Variants in TASP1 observed in about 807,000 individuals in gnomAD.
TASP1 encodes the protein threonine aspartase 1.
A neutral mutation model predicts 56.6 loss-of-function variants in TASP1; 16 were observed. The observed-to-expected ratio is 0.28, with a 90% confidence interval of 0.19 to 0.43. TASP1 has a LOEUF of 0.43. Ranked by LOEUF, TASP1 falls within the 20% of genes least tolerant of loss-of-function variation. TASP1 has a pLI of 1.00. For synonymous variants in TASP1, 179 were observed against 184.2 expected (o/e 0.97, Z 0.23); for missense variants, 393 against 511.6 (o/e 0.77, Z 2.24).
intron 4 of TASP1, among the ~76,000 whole-genome samples, chr20:13,613,257 T>C (rs1256619368): frequency 6.6e-6 from 1 of 152,168 alleles, no homozygotes; most frequent in Non-Finnish European, 1.5e-5. Context: ...ACATTATTTA[T>C]TATCATGGGA....
the TASP1 span, among the ~76,000 whole-genome samples, chr20:13,243,902 G>A: frequency 6.6e-6 from 1 of 152,162 alleles, no homozygotes; most frequent in Non-Finnish European, 1.5e-5. Flanking sequence ...ATATTTGAAG[G>A]GAAGATGGAA....
At chr20:13,311,216 TGATAGATAGATA>T in the TASP1 span, among the ~76,000 whole-genome samples, 2 of 133,206 alleles carry the variant, frequency 1.5e-5, no homozygotes, top group South Asian at 4.9e-4. Flanking sequence ...TATAGATAGA[TGATAGATAGATA>T]GATAGATAGA....
downstream of TASP1, among the ~76,000 whole-genome samples, chr20:13,386,443 A>T (rs912244450): frequency 8.1e-5 from 12 of 147,294 alleles, no homozygotes; most frequent in East Asian, 1.9e-4. Context: ...CTATTTTCTA[A>T]TTTTTTTCCT....
intron 2 of TASP1, among the ~76,000 whole-genome samples, chr20:13,626,786 G>A (rs1287966938): frequency 6.6e-6 from 1 of 152,170 alleles, no homozygotes; most frequent in African/African-American, 2.4e-5. Context: ...TCTTTCAGCA[G>A]CATTTCCTAA....
chr20:13,433,393 C>T (rs2042880165), intron 12 of TASP1, among the ~76,000 whole-genome samples: 1 of 151,904 alleles, frequency 6.6e-6, no homozygotes, highest in Non-Finnish European at 1.5e-5. Flanking sequence ...AAGGATTCAA[C>T]AACGATTAAG....
the TASP1 span, among the ~76,000 whole-genome samples, chr20:13,187,471 C>T: frequency 3.3e-5 from 5 of 151,590 alleles, no homozygotes; most frequent in South Asian, 2.1e-4. Flanking sequence ...CAAAGAAGGC[C>T]GGGCGCAGTG....
intron 4 of TASP1, among the ~76,000 whole-genome samples, chr20:13,594,311 C>T (rs760069360): frequency 1.1e-4 from 17 of 152,274 alleles, no homozygotes; most frequent in East Asian, 1.9e-4. Context: ...AAAACCAGAG[C>T]GCCTCTTCTC....
intron 5 of TASP1, among the ~76,000 whole-genome samples, chr20:13,582,275 A>G (rs1243783523): frequency 6.6e-6 from 1 of 151,948 alleles, no homozygotes; most frequent in African/African-American, 2.4e-5. Context: ...TATAAATCCA[A>G]TTTATAACTT....
the TASP1 span, among the ~76,000 whole-genome samples, chr20:13,360,703 A>G: frequency 6.6e-6 from 1 of 152,140 alleles, no homozygotes; most frequent in Non-Finnish European, 1.5e-5. Context: ...TTTCTTCCTC[A>G]TACCTGACGC....
chr20:13,442,766 G>A (rs1386157083), intron 11 of TASP1, among the ~76,000 whole-genome samples: 1 of 151,952 alleles, frequency 6.6e-6, no homozygotes, highest in Non-Finnish European at 1.5e-5. Flanking sequence ...TGTTGCATTT[G>A]GTATGAGTTC....
chr20:13,228,726 G>A, the TASP1 span, among the ~76,000 whole-genome samples: 2 of 151,778 alleles, frequency 1.3e-5, no homozygotes, highest in African/African-American at 4.8e-5. Context: ...TTATATCTTT[G>A]GTATTTCCAA....
chr20:13,449,722 A>C (rs1479093083), intron 11 of TASP1, among the ~76,000 whole-genome samples: 1 of 152,114 alleles, frequency 6.6e-6, no homozygotes, highest in Admixed American at 6.6e-5. Context: ...TTATAAATGC[A>C]TACTGTTATA....
At chr20:13,270,863 G>T in the TASP1 span, 1 of 902,126 alleles carries the variant, frequency 1.1e-6, no homozygotes, top group Non-Finnish European at 1.7e-6. Flanking sequence ...AATGATTCCT[G>T]CTTAAGATCA....
chr20:13,394,169 A>AG (rs2041413776), intron 13 of TASP1, among the ~76,000 whole-genome samples: 1 of 151,792 alleles, frequency 6.6e-6, no homozygotes, highest in Admixed American at 6.6e-5. Context: ...CTGTAATCCC[A>AG]GCTACTCCGG....
the TASP1 span, among the ~76,000 whole-genome samples, chr20:13,223,951 G>A: frequency 3.3e-5 from 5 of 151,990 alleles, no homozygotes; most frequent in Admixed American, 1.3e-4. Context: ...GGCCTTTTCC[G>A]CTTGAACAGT....
the TASP1 span, among the ~76,000 whole-genome samples, chr20:13,339,193 G>T: frequency 6.6e-6 from 1 of 152,122 alleles, no homozygotes; most frequent in South Asian, 2.1e-4. Context: ...CCATTGGCCT[G>T]GTACACAGCA....
At chr20:13,378,786 G>A in the TASP1 span, among the ~76,000 whole-genome samples, 1 of 152,146 alleles carries the variant, frequency 6.6e-6, no homozygotes, top group Non-Finnish European at 1.5e-5. Context: ...ATTTAGGATA[G>A]TTAGCTCTTC....
chr20:13,327,352 A>T, the TASP1 span, among the ~76,000 whole-genome samples: 3 of 152,228 alleles, frequency 2.0e-5, no homozygotes, highest in African/African-American at 7.2e-5. Flanking sequence ...GGATAGGAAG[A>T]ATCAATATCA....
chr20:13,282,378 G>T, the TASP1 span, among the ~76,000 whole-genome samples: 2 of 152,178 alleles, frequency 1.3e-5, no homozygotes, highest in African/African-American at 4.8e-5. Context: ...GTCACCAGAT[G>T]ATTCTCTTGC....
Sources: gnomAD v4.1 joint callset for allele counts (sites outside exome capture counted in the v4.1 genomes callset) on GRCh38, gnomAD v4.1.1 for gene constraint, MANE v1.5 for transcripts, NCBI Gene and HGNC (gene_info 2026-07-23, HGNC 2026-07-21) for gene names.